The following CNTN1 variants were observed in gnomAD, a reference collection of about 807,000 sequenced individuals.
CNTN1 encodes contactin-1.
In CNTN1, 38 loss-of-function variants were observed where a neutral mutation model predicts 126.4. The ratio of observed to expected loss-of-function variants is 0.30; its 90% CI spans 0.23 to 0.39. CNTN1 has a LOEUF of 0.39. Among genes scored for constraint, CNTN1 ranks in the 10% least tolerant of loss-of-function variants. CNTN1 has a pLI of 1.00. For missense variants in CNTN1, 1,009 were observed against 1,248.4 expected (o/e 0.81, Z 2.89); for synonymous variants, 413 against 422.6 (o/e 0.98, Z 0.28).
intron 17 of CNTN1, among the ~76,000 whole-genome samples, chr12:41,001,117 A>G (rs1948350572): frequency 6.6e-6 from 1 of 152,132 alleles, no homozygotes; most frequent in Non-Finnish European, 1.5e-5. Flanking sequence ...TTTAGAATAG[A>G]GCAATTTGTA....
chr12:40,706,651 A>ATAATATTTCATATTCTGAAATATTATTT (rs1941748798), intron 1 of CNTN1, among the ~76,000 whole-genome samples: 1 of 152,162 alleles, frequency 6.6e-6, no homozygotes, highest in Non-Finnish European at 1.5e-5. Flanking sequence ...TATTTTAGAA[A>ATAATATTTCATATTCTGAAATATTATTT]TGTTCTTTTG....
intron 1 of CNTN1, among the ~76,000 whole-genome samples, chr12:40,867,086 A>G (rs985217562): frequency 1.3e-5 from 2 of 152,204 alleles, no homozygotes; most frequent in African/African-American, 2.4e-5. Context: ...AGAAGTCTCT[A>G]CCATCATTCA....
chr12:40,990,374 A>G (rs1428588375), intron 16 of CNTN1, among the ~76,000 whole-genome samples: 1 of 152,026 alleles, frequency 6.6e-6, no homozygotes, highest in Non-Finnish European at 1.5e-5. Context: ...TCCCCCTTTG[A>G]GAGAGTTTTA....
At chr12:40,991,449 A>G (rs1278836146) in intron 16 of CNTN1, among the ~76,000 whole-genome samples, 1 of 151,842 alleles carries the variant, frequency 6.6e-6, no homozygotes, top group South Asian at 2.1e-4. Flanking sequence ...GGACATGGAC[A>G]TTTTTTGGGT....
chr12:40,939,372 A>G lies in CNTN1; in HGVS notation c.1266A>G (p.Lys422=), dbSNP rs751711387. 1 of 1,613,954 alleles carries G rather than the reference A, an allele frequency of 6.2e-7. No homozygotes were observed. The highest frequency in any genetic ancestry group is 8.5e-7 in the Non-Finnish European group (1 of 1,179,936). ...CTTTTGAAATGAATCCTATGAAGAA[A>G]AAGATCCTGGCTGCTAAAGGTGGAA... ...APTFEMNPMK[K]KILAAKGGRV... The change falls in exon 12 of 24, where the codon AAA becomes AAG. Residue 422 remains lysine, a synonymous_variant. Coordinates refer to ENST00000551295, the MANE Select transcript of CNTN1 (RefSeq NM_001843.4).
chr12:40,716,348 C>T (rs1020820504), intron 1 of CNTN1, among the ~76,000 whole-genome samples: 2 of 150,982 alleles, frequency 1.3e-5, no homozygotes, highest in Non-Finnish European at 3.0e-5. Flanking sequence ...CTTCCCCTTC[C>T]TCCTCTTCTC....
intron 17 of CNTN1, among the ~76,000 whole-genome samples, chr12:40,996,609 G>T (rs1043416092): frequency 4.6e-5 from 7 of 152,010 alleles, no homozygotes; most frequent in Admixed American, 2.6e-4. Flanking sequence ...AAGAAAATAT[G>T]GTCTCCTGTC....
intron 14 of CNTN1, among the ~76,000 whole-genome samples, chr12:40,950,097 G>GGTGT (rs59713493): frequency 0.014 from 2,105 of 145,280 alleles, 25 homozygotes; most frequent in East Asian, 0.027. Context: ...GTGTTGAGAG[G>GGTGT]GTGTGTGTGT....
intron 1 of CNTN1, among the ~76,000 whole-genome samples, chr12:40,893,898 G>A (rs1944318133): frequency 6.6e-6 from 1 of 151,970 alleles, no homozygotes; most frequent in South Asian, 2.1e-4. Flanking sequence ...TGTCTAATGG[G>A]AAACTCAAAT....
intron 2 of CNTN1, among the ~76,000 whole-genome samples, chr12:40,909,763 AAATAT>A (rs1944963419): frequency 6.6e-6 from 1 of 151,614 alleles, no homozygotes; most frequent in South Asian, 2.1e-4. Flanking sequence ...TATATAATGT[AAATAT>A]AATAAAGAAA....
intron 23 of CNTN1, among the ~76,000 whole-genome samples, chr12:41,041,818 T>C (rs1949419180): frequency 6.6e-6 from 1 of 152,162 alleles, no homozygotes; most frequent in South Asian, 2.1e-4. Context: ...TCTTCTTTAT[T>C]TGTCTTGCTA....
At chr12:40,824,113 G>T (rs900934419) in intron 1 of CNTN1, among the ~76,000 whole-genome samples, 1 of 151,962 alleles carries the variant, frequency 6.6e-6, no homozygotes, top group African/African-American at 2.4e-5. Flanking sequence ...TTATATTTCT[G>T]CAGAATAGCA....
At chr12:40,968,612 G>A (rs1242798911) in intron 15 of CNTN1, among the ~76,000 whole-genome samples, 1 of 151,990 alleles carries the variant, frequency 6.6e-6, no homozygotes, top group Admixed American at 6.6e-5. Context: ...AAATATCTTA[G>A]ATTATAATGT....
At chr12:41,021,904 G>C (rs958933987) in intron 20 of CNTN1, among the ~76,000 whole-genome samples, 2 of 151,984 alleles carry the variant, frequency 1.3e-5, no homozygotes, top group Non-Finnish European at 2.9e-5. Flanking sequence ...TCAATGTGTA[G>C]AGCTTGGAAA....
Position 40,990,480 on chromosome 12 carries a change from G to A in CNTN1, c.1964-2640G>A, listed in dbSNP as rs150785851. 7.8e-4 allele frequency among the ~76,000 whole-genome samples: 119 copies of A among 152,074 alleles called. 2 individuals are homozygous for A. Among genetic ancestry groups the A allele is most frequent in the African/African-American group, 2.3e-3 (97 of 41,456 alleles). ...TATTCTTCCTTTCTTCATCTCACTC[G>A]TTAAAATCAAAGCCTTGGCTCCTCA... is the stretch of plus-strand genomic sequence containing the variant. On this transcript the variant is annotated intron_variant, in intron 16 of 23. Transcript: ENST00000551295.
At chr12:40,804,535 T>C (rs1260047564) in intron 1 of CNTN1, among the ~76,000 whole-genome samples, 5 of 152,006 alleles carry the variant, frequency 3.3e-5, no homozygotes, top group Non-Finnish European at 5.9e-5. Flanking sequence ...GACTGAGGGA[T>C]TGCAGTCACA....
rs560594152 is a variant in CNTN1, at chr12:41,050,927, G to A, written c.2981-19032G>A. On this transcript the variant is annotated intron_variant, in intron 23 of 23. Coordinates refer to ENST00000551295, the MANE Select transcript of CNTN1 (RefSeq NM_001843.4). ...TCTACTGTATAGCTGTTTATGTTAT[G>A]TGGCCCTTTAGAGATCCAAAACTAT... Among the ~76,000 whole-genome samples, 3 of 152,074 alleles carry A rather than the reference G, an allele frequency of 2.0e-5. No individual in the cohort carries two copies. In the South Asian group the frequency reaches 6.2e-4, roughly 32 times the overall value.
intron 23 of CNTN1, among the ~76,000 whole-genome samples, chr12:41,052,757 T>C (rs1414536562): frequency 6.6e-6 from 1 of 152,088 alleles, no homozygotes; most frequent in African/African-American, 2.4e-5. Flanking sequence ...GATTACAATA[T>C]CTGGAAGACT....
At chr12:40,871,621 A>T (rs1487565303) in intron 1 of CNTN1, among the ~76,000 whole-genome samples, 1 of 152,178 alleles carries the variant, frequency 6.6e-6, no homozygotes, top group Non-Finnish European at 1.5e-5. Flanking sequence ...CTCTGAAATG[A>T]TCCCCAAAGA....
Sources: allele counts gnomAD v4.1 joint callset (sites outside exome capture counted in the v4.1 genomes callset), GRCh38; gene constraint gnomAD v4.1.1; transcripts MANE v1.5; gene names NCBI Gene and HGNC (gene_info 2026-07-23, HGNC 2026-07-21).